F2R: variants seen among roughly 807,000 people sequenced by gnomAD.
F2R encodes proteinase-activated receptor 1.
In F2R, 12 loss-of-function variants were observed where a neutral mutation model predicts 18.3. The ratio of observed to expected loss-of-function variants is 0.66; its 90% CI spans 0.42 to 1.06. The LOEUF (loss-of-function observed/expected upper bound fraction) is 1.06. F2R is among the 50% of genes least tolerant of loss of function. The probability of loss-of-function intolerance (pLI) is 0.00; values close to 1 mark genes in which losing one functional copy is unlikely to be tolerated. For missense variants in F2R, 438 were observed against 530.8 expected, an observed-to-expected ratio of 0.83 and a Z score of 1.72; for synonymous variants, 210 against 219.9, an observed-to-expected ratio of 0.95 and a Z score of 0.40.
chr5:76,729,842 A>G (rs1166191985), intron 1 of F2R, among the ~76,000 whole-genome samples: 1 of 152,182 alleles, frequency 6.6e-6, no homozygotes, highest in Non-Finnish European at 1.5e-5. Flanking sequence ...GAGATGATTG[A>G]ATCATGGAGA....
At chr5:76,727,706 C>G (rs1397685329) in intron 1 of F2R, among the ~76,000 whole-genome samples, 1 of 150,826 alleles carries the variant, frequency 6.6e-6, no homozygotes, top group East Asian at 1.9e-4. Context: ...AGAATTTCCA[C>G]TTGGTAGTTC....
In F2R at chr5:76,734,965, T is replaced by C. The variant is rs1037886016; in HGVS notation, c.*1462T>C. The stretch of plus-strand genomic sequence containing the variant: ...TTAGAAATAACAGAAGAAAATAGAA[T>C]TGACATTGAAATCTAGGAAAATTAT... On this transcript the variant is annotated 3_prime_UTR_variant, in exon 2 of 2. Transcript: ENST00000319211. 6.6e-6 allele frequency: 1 copy of C among 152,346 alleles called. No individual in the cohort carries two copies. The highest frequency in any genetic ancestry group is 1.5e-5 in the Non-Finnish European group (1 of 68,044). The allele number at this position is 152,346 out of a possible 1,614,324, so 9.4% of individuals were successfully genotyped here.
chr5:76,718,438 G>T (rs1561626188), intron 1 of F2R, among the ~76,000 whole-genome samples: 1 of 152,194 alleles, frequency 6.6e-6, no homozygotes, highest in African/African-American at 2.4e-5. Flanking sequence ...AACCGCCACC[G>T]CTGTGATAGA....
intron 1 of F2R, among the ~76,000 whole-genome samples, chr5:76,725,245 T>A (rs1748534184): frequency 6.6e-6 from 1 of 152,218 alleles, no homozygotes; most frequent in Non-Finnish European, 1.5e-5. Flanking sequence ...AACTCACTAA[T>A]TTTTAAAAAT....
intron 1 of F2R, 28 bp from the exon 2 acceptor site, chr5:76,732,286 T>A: frequency 6.5e-7 from 1 of 1,532,728 alleles, no homozygotes; most frequent in Non-Finnish European, 8.8e-7. Flanking sequence ...CTTTTTACAT[T>A]TAAAATTTTT....
intron 1 of F2R, among the ~76,000 whole-genome samples, chr5:76,721,389 T>C (rs907058946): frequency 6.6e-6 from 1 of 152,192 alleles, no homozygotes. Flanking sequence ...GAGCTTTCAC[T>C]TCCCCAGATA....
At chr5:76,717,044 C>T (rs947886669) in intron 1 of F2R, among the ~76,000 whole-genome samples, 4 of 152,126 alleles carry the variant, frequency 2.6e-5, no homozygotes, top group African/African-American at 9.7e-5. Context: ...TACCTAGAAC[C>T]CATTCCTTCT....
At chr5:76,721,512 G>C (rs549570776) in intron 1 of F2R, among the ~76,000 whole-genome samples, 1 of 152,300 alleles carries the variant, frequency 6.6e-6, no homozygotes, top group East Asian at 1.9e-4. Context: ...GAAACAACAG[G>C]AGTAATCTGC....
At chr5:76,720,743 A>G (rs1748434167) in intron 1 of F2R, among the ~76,000 whole-genome samples, 1 of 152,126 alleles carries the variant, frequency 6.6e-6, no homozygotes, top group Non-Finnish European at 1.5e-5. Context: ...GATATTTCAT[A>G]TCAATAGAAT....
Position 76,733,418 on chromosome 5 carries a change from A to G in F2R, c.1193A>G (p.Asn398Ser). ...CKESSDPSSY[N>S]SSGQLMASKM... Reference sequence around the variant, plus strand: ...GAAAGTTCCGATCCCAGCAGTTATAACAGCAGTGGGCAGTTGATGGCAAGT... The same window carrying G: ...GAAAGTTCCGATCCCAGCAGTTATAGCAGCAGTGGGCAGTTGATGGCAAGT... Residue 398 changes from asparagine to serine, a missense_variant, in exon 2 of 2, where the codon AAC (asparagine) becomes AGC (serine). Physicochemically the swap from Asn to Ser is conservative, Grantham distance 46. Transcript: ENST00000319211. 1 of 1,614,240 alleles carries G rather than the reference A, an allele frequency of 6.2e-7. No individual in the cohort carries two copies. The highest frequency in any genetic ancestry group is 8.5e-7 in the Non-Finnish European group (1 of 1,180,046).
chr5:76,717,139 G>C (rs1441696473), intron 1 of F2R, among the ~76,000 whole-genome samples: 1 of 152,182 alleles, frequency 6.6e-6, no homozygotes, highest in East Asian at 1.9e-4. Context: ...CGAGATTTCT[G>C]ATCCACTGCA....
In F2R at chr5:76,732,475, CT is replaced by C; in HGVS notation, c.252del (p.Pro85LeufsTer12). On this transcript the variant is annotated frameshift_variant, in exon 2 of 2. Transcript: ENST00000319211. LOFTEE classifies it high-confidence loss of function. ...TAAAAGCAGTCCTCTTCAAAAACAA[CT>C]TCCTGCATTCATCTCAGAAGATGCC... ...INKSSPLQKQ[L>X]PAFISEDASG... 1 of 1,614,180 alleles carries C rather than the reference CT, an allele frequency of 6.2e-7. No homozygotes were observed. The highest frequency in any genetic ancestry group is 8.5e-7 in the Non-Finnish European group (1 of 1,180,040).
At chr5:76,722,680 C>T (rs1266989123) in intron 1 of F2R, among the ~76,000 whole-genome samples, 1 of 152,160 alleles carries the variant, frequency 6.6e-6, no homozygotes, top group Non-Finnish European at 1.5e-5. Flanking sequence ...AGGTTGGGCA[C>T]GGTGGCTCAT....
intron 1 of F2R, among the ~76,000 whole-genome samples, chr5:76,718,122 C>T (rs1748378134): frequency 6.6e-6 from 1 of 152,152 alleles, no homozygotes; most frequent in Non-Finnish European, 1.5e-5. Context: ...TCTCATTTCA[C>T]CTTGTCAAAA....
rs1345321365 is a variant in F2R, at chr5:76,716,225, C to T, written c.-83C>T. On this transcript the variant is annotated 5_prime_UTR_variant, in exon 1 of 2. Coordinates refer to ENST00000319211, the MANE Select transcript of F2R (RefSeq NM_001992.5). Reference sequence around the variant, plus strand: ...TGCCGCGAAGACCGGCTCCCCGACCCGCAGAAGTCAGGAGAGAGGGTGAAG... The same window carrying T: ...TGCCGCGAAGACCGGCTCCCCGACCTGCAGAAGTCAGGAGAGAGGGTGAAG... The T allele has an allele frequency of 8.8e-7, 1 of 1,130,542 alleles. No individual in the cohort carries two copies. The highest frequency in any genetic ancestry group is 1.6e-5 in the African/African-American group (1 of 61,486). 70.0% of individuals were successfully genotyped at this position (1,130,542 alleles called of 1,614,324 possible). A position where few individuals can be genotyped will look rare whatever the true frequency, so the allele number is the denominator to read the frequency against.
At chr5:76,719,578 GACTC>G (rs1169295800) in intron 1 of F2R, among the ~76,000 whole-genome samples, 1 of 144,908 alleles carries the variant, frequency 6.9e-6, no homozygotes, top group Admixed American at 6.8e-5. Flanking sequence ...AACAGAGTGA[GACTC>G]TCTCTCAAAA....
chr5:76,723,130 A>G (rs915254505), intron 1 of F2R, among the ~76,000 whole-genome samples: 4 of 152,102 alleles, frequency 2.6e-5, no homozygotes, highest in African/African-American at 9.7e-5. Flanking sequence ...AGTTGTTGGC[A>G]TGTGTGGTTG....
At chr5:76,724,037 C>T (rs1748513845) in intron 1 of F2R, among the ~76,000 whole-genome samples, 1 of 152,060 alleles carries the variant, frequency 6.6e-6, no homozygotes, top group South Asian at 2.1e-4. Context: ...ATTATAATAC[C>T]TAAAAAATGA....
Position 76,734,899 on chromosome 5 carries a change from C to T in F2R, c.*1396C>T, listed in dbSNP as rs2227802. 3 of 152,294 alleles carry T rather than the reference C, an allele frequency of 2.0e-5. No homozygotes were observed. Among genetic ancestry groups the T allele is most frequent in the African/African-American group, 7.2e-5 (3 of 41,440 alleles). The allele number at this position is 152,294 out of a possible 1,614,324, so 9.4% of individuals were successfully genotyped here. A position where few individuals can be genotyped will look rare whatever the true frequency, so the allele number is the denominator to read the frequency against. On this transcript the variant is annotated 3_prime_UTR_variant, in exon 2 of 2. Transcript: ENST00000319211. ...CAAATGTTTTGCTCAATAGATTGCT[C>T]AAATCAGGTTTTCTTTTAAGAATCA...
Sources: allele counts gnomAD v4.1 joint callset (sites outside exome capture counted in the v4.1 genomes callset), GRCh38; gene constraint gnomAD v4.1.1; transcripts MANE v1.5; gene names NCBI Gene and HGNC (gene_info 2026-07-23, HGNC 2026-07-21).